Variants in GRIP1 observed in about 807,000 individuals in gnomAD.
GRIP1 encodes the protein glutamate receptor-interacting protein 1.
GRIP1 carries 45 observed loss-of-function variants against 129.9 expected under a neutral mutation model. The ratio of observed to expected loss-of-function variants is 0.35; its 90% confidence interval spans 0.27 to 0.44. The LOEUF (loss-of-function observed/expected upper bound fraction) is 0.44. Among genes scored for constraint, GRIP1 ranks in the 20% least tolerant of loss-of-function variants. GRIP1 has a pLI of 1.00. For missense variants in GRIP1, 1,196 were observed against 1,396.8 expected, an observed-to-expected ratio of 0.86 and a Z score of 2.29; for synonymous variants, 530 against 520.8, an observed-to-expected ratio of 1.02 and a Z score of -0.24.
At chr12:66,838,850 GA>G (rs1315308429) in intron 1 of GRIP1, among the ~76,000 whole-genome samples, 1 of 152,174 alleles carries the variant, frequency 6.6e-6, no homozygotes, top group Non-Finnish European at 1.5e-5. Flanking sequence ...TTGTCAGAGT[GA>G]AATATTGGGG....
At chr12:66,946,367 A>G (rs1422746137) in intron 1 of GRIP1, among the ~76,000 whole-genome samples, 1 of 152,202 alleles carries the variant, frequency 6.6e-6, no homozygotes. Context: ...ATCCTTAAAA[A>G]TGATCAACAA....
In GRIP1 at chr12:66,860,997, C is replaced by T. The variant is rs142475268; in HGVS notation, c.58+208053G>A. Among the ~76,000 whole-genome samples, 6 of 152,136 alleles carry T rather than the reference C, an allele frequency of 3.9e-5. No individual in the cohort carries two copies. The East Asian group carries it at 1.2e-3, about 30-fold the overall frequency. On this transcript the variant is annotated intron_variant, in intron 1 of 1. Transcript: ENST00000643019. The stretch of plus-strand genomic sequence containing the variant: ...CCTCAACACACAAAAAAGGGGAGGG[C>T]TACCCAGGATAATATCAGTGTGGAG...
intron 1 of GRIP1, among the ~76,000 whole-genome samples, chr12:66,930,212 C>T (rs1336873071): frequency 1.4e-5 from 2 of 147,676 alleles, no homozygotes; most frequent in East Asian, 2.0e-4. Context: ...CCCACTAACT[C>T]GTCATCTAGC....
intron 1 of GRIP1, among the ~76,000 whole-genome samples, chr12:67,021,314 C>A (rs1032307907): frequency 2.0e-5 from 3 of 152,048 alleles, no homozygotes; most frequent in Non-Finnish European, 1.5e-5. Context: ...CCCCCAACAA[C>A]AACAAAAAGA....
At chr12:66,927,389 A>G (rs1330228522) in intron 1 of GRIP1, among the ~76,000 whole-genome samples, 1 of 152,228 alleles carries the variant, frequency 6.6e-6, no homozygotes, top group Non-Finnish European at 1.5e-5. Flanking sequence ...TCTAGAGCTT[A>G]TAATAGAACA....
intron 1 of GRIP1, among the ~76,000 whole-genome samples, chr12:66,911,548 A>T (rs140978473): frequency 6.6e-6 from 1 of 152,184 alleles, no homozygotes; most frequent in Middle Eastern, 3.4e-3. Context: ...TGGGAGAGAG[A>T]AGGTTTGAAG....
At chr12:66,410,198 C>T (rs1321343664) in intron 15 of GRIP1, among the ~76,000 whole-genome samples, 4 of 120,632 alleles carry the variant, frequency 3.3e-5, no homozygotes, top group Admixed American at 1.0e-4. Context: ...TGCAGTGAGC[C>T]GAGATCCCGC....
intron 4 of GRIP1, among the ~76,000 whole-genome samples, chr12:66,530,656 T>A (rs932363972): frequency 7.9e-5 from 12 of 152,288 alleles, no homozygotes; most frequent in Middle Eastern, 6.8e-3. Context: ...AAGGTACATT[T>A]ACTAAAATAT....
chr12:66,427,743 T>C (rs1481052752), intron 14 of GRIP1, among the ~76,000 whole-genome samples: 1 of 152,170 alleles, frequency 6.6e-6, no homozygotes, highest in Non-Finnish European at 1.5e-5. Context: ...AATTTCTTCC[T>C]GAGAGACCTG....
At position 66,860,401 on chromosome 12, in the gene GRIP1, C is replaced by T. The variant is rs561293460; in HGVS notation, c.58+208649G>A. Among the ~76,000 whole-genome samples the T allele has an allele frequency of 2.0e-5, 3 of 152,160 alleles. No homozygotes were observed. In the East Asian group the frequency reaches 5.8e-4, roughly 29 times the overall value. Reference sequence around the variant, plus strand: ...GCACTTGGAGCATTCGTCTCTTAGCCCCTTTTTGAAAGTGTGTTGAGACAA... The same window carrying T: ...GCACTTGGAGCATTCGTCTCTTAGCTCCTTTTTGAAAGTGTGTTGAGACAA... On this transcript the variant is annotated intron_variant, in intron 1 of 1. Transcript: ENST00000643019.
intron 1 of GRIP1, among the ~76,000 whole-genome samples, chr12:66,891,102 T>C (rs763789680): frequency 6.6e-6 from 1 of 152,222 alleles, no homozygotes; most frequent in Non-Finnish European, 1.5e-5. Flanking sequence ...AAGGAATTTG[T>C]CTTAATGAAG....
chr12:66,887,295 G>A (rs1177032256), intron 1 of GRIP1, among the ~76,000 whole-genome samples: 1 of 152,174 alleles, frequency 6.6e-6, no homozygotes, highest in African/African-American at 2.4e-5. Flanking sequence ...AAGGATTAAT[G>A]TTCAAATCAT....
intron 1 of GRIP1, among the ~76,000 whole-genome samples, chr12:66,648,295 T>G (rs1447779401): frequency 6.6e-6 from 1 of 152,212 alleles, no homozygotes; most frequent in Non-Finnish European, 1.5e-5. Flanking sequence ...TGGTATGCAG[T>G]AAGTGTTAGT....
intron 1 of GRIP1, among the ~76,000 whole-genome samples, chr12:66,755,503 A>C (rs1044145753): frequency 1.1e-4 from 16 of 152,368 alleles, no homozygotes; most frequent in African/African-American, 3.8e-4. Context: ...AGCACAAAAA[A>C]GGATAGCAGT....
At chr12:66,830,962 T>C (rs2039505985) in intron 1 of GRIP1, among the ~76,000 whole-genome samples, 2 of 151,586 alleles carry the variant, frequency 1.3e-5, no homozygotes, top group Non-Finnish European at 2.9e-5. Context: ...TCCTCCCACC[T>C]CAGCCTCTTG....
At chr12:66,424,570 C>A (rs766236387) in intron 14 of GRIP1, among the ~76,000 whole-genome samples, 14 of 152,180 alleles carry the variant, frequency 9.2e-5, no homozygotes, top group African/African-American at 1.9e-4. Context: ...CTTGTCCCCC[C>A]ATTTTCCCAA....
In GRIP1 at chr12:66,462,801, CAAAAAAAAAAAA is replaced by C. The variant is rs34456744; in HGVS notation, c.1042+111_1042+122del. 712 of 363,764 alleles carry C rather than the reference CAAAAAAAAAAAA, an allele frequency of 2.0e-3. 13 individuals are homozygous for C. The East Asian group carries it at 0.024, about 12-fold the overall frequency. 22.5% of individuals were successfully genotyped at this position (363,764 alleles called of 1,614,324 possible). A position where few individuals can be genotyped will look rare whatever the true frequency, so the allele number is the denominator to read the frequency against. On this transcript the variant is annotated intron_variant, in intron 9 of 24. Coordinates refer to ENST00000359742, the MANE Select transcript of GRIP1 (RefSeq NM_001366722.1). ...TGGGGGACAGAGTGAGACTCCATCT[CAAAAAAAAAAAA>C]AAAAAAAAAAGGCAGAATGAGACCC...
chr12:66,898,119 AT>A (rs928364632), intron 1 of GRIP1, among the ~76,000 whole-genome samples: 2 of 152,180 alleles, frequency 1.3e-5, no homozygotes, highest in African/African-American at 4.8e-5. Context: ...AAGTGGAGGA[AT>A]TTTTAAGATC....
At chr12:66,502,880 A>G (rs2060428738) in intron 7 of GRIP1, among the ~76,000 whole-genome samples, 1 of 152,216 alleles carries the variant, frequency 6.6e-6, no homozygotes, top group Non-Finnish European at 1.5e-5. Flanking sequence ...CTACACTAAA[A>G]TCAGACTATC....
Sources: gnomAD v4.1 joint callset for allele counts (sites outside exome capture counted in the v4.1 genomes callset) on GRCh38, gnomAD v4.1.1 for gene constraint, MANE v1.5 for transcripts, NCBI Gene and HGNC (gene_info 2026-07-23, HGNC 2026-07-21) for gene names.